Variants in AFF3 observed in about 807,000 individuals in gnomAD.
The protein encoded by AFF3 is ALF transcription elongation factor 3.
AFF3 carries 32 observed loss-of-function variants against 129.7 expected under a neutral mutation model. The ratio of observed to expected loss-of-function variants is 0.25; its 90% CI spans 0.19 to 0.33. The LOEUF (loss-of-function observed/expected upper bound fraction) is 0.33. Among genes scored for constraint, AFF3 ranks in the 10% least tolerant of loss-of-function variants. AFF3 has a pLI of 1.00. For missense variants in AFF3, 1,373 were observed against 1,592.0 expected (o/e 0.86, Z 2.34); for synonymous variants, 644 against 635.4 (o/e 1.01, Z -0.20).
At chr2:100,103,754 T>C (rs1179924147) in intron 4 of AFF3, among the ~76,000 whole-genome samples, 1 of 151,618 alleles carries the variant, frequency 6.6e-6, no homozygotes, top group Non-Finnish European at 1.5e-5. Context: ...GGAGTGCAAC[T>C]GTGACGAGGT....
chr2:99,899,969 T>C (rs999507098), intron 7 of AFF3, among the ~76,000 whole-genome samples: 1 of 152,202 alleles, frequency 6.6e-6, no homozygotes, highest in African/African-American at 2.4e-5. Flanking sequence ...TAGGGCTTTA[T>C]TGTTAAACCA....
chr2:99,625,287 G>A (rs1056394814), intron 13 of AFF3, among the ~76,000 whole-genome samples: 1 of 152,116 alleles, frequency 6.6e-6, no homozygotes. Context: ...AGGGCACCCC[G>A]TGAAATTTGA....
intron 13 of AFF3, among the ~76,000 whole-genome samples, chr2:99,618,893 G>GATTCATTCATTCATTCATTCATTC (rs112677518): frequency 1.3e-5 from 2 of 149,850 alleles, no homozygotes; most frequent in African/African-American, 4.9e-5. Flanking sequence ...AGCTCTGATC[G>GATTCATTCATTCATTCATTCATTC]ATTCATTCAT....
intron 7 of AFF3, among the ~76,000 whole-genome samples, chr2:99,903,674 G>C (rs1241005665): frequency 3.3e-5 from 5 of 152,106 alleles, no homozygotes; most frequent in African/African-American, 1.2e-4. Flanking sequence ...TTCTGTTATA[G>C]TTTGAAATAT....
At chr2:99,747,185 G>A (rs1681238277) in intron 9 of AFF3, among the ~76,000 whole-genome samples, 1 of 151,774 alleles carries the variant, frequency 6.6e-6, no homozygotes, top group Non-Finnish European at 1.5e-5. Flanking sequence ...CCTGCCACCA[G>A]GCCCTGCTAA....
chr2:99,586,443 G>C (rs972542213), intron 16 of AFF3, among the ~76,000 whole-genome samples: 1 of 152,206 alleles, frequency 6.6e-6, no homozygotes, highest in African/African-American at 2.4e-5. Flanking sequence ...GTGTTGTGCC[G>C]AGACATTCAT....
intron 7 of AFF3, among the ~76,000 whole-genome samples, chr2:99,968,748 T>C (rs1485396460): frequency 6.6e-6 from 1 of 152,160 alleles, no homozygotes; most frequent in Non-Finnish European, 1.5e-5. Flanking sequence ...TGGTTTGTCA[T>C]AAAAGGCATG....
intron 11 of AFF3, among the ~76,000 whole-genome samples, chr2:99,719,323 T>C (rs1479432167): frequency 2.6e-5 from 4 of 152,148 alleles, no homozygotes; most frequent in African/African-American, 9.7e-5. Flanking sequence ...TTACATTATT[T>C]TCATGCGTCA....
At position 99,551,448 on chromosome 2, in the gene AFF3, C is replaced by T. The variant is rs765716402; in HGVS notation, c.*26G>A. On this transcript the variant is annotated 3_prime_UTR_variant, in exon 25 of 25. Transcript: ENST00000672756. The stretch of plus-strand genomic sequence containing the variant: ...GTTGAGCCATCTGTGGAGACCAGAG[C>T]CCACTCTGGCCCCAGGGTGAGGTCC... 2 of 1,608,384 alleles carry T rather than the reference C, an allele frequency of 1.2e-6. No individual in the cohort carries two copies. Among genetic ancestry groups the T allele is most frequent in the Middle Eastern group, 1.9e-4 (1 of 5,388 alleles).
At chr2:99,927,944 G>A (rs750310827) in intron 7 of AFF3, among the ~76,000 whole-genome samples, 5 of 152,068 alleles carry the variant, frequency 3.3e-5, no homozygotes, top group South Asian at 2.1e-4. Flanking sequence ...GGTGTTTCCC[G>A]TGCTGTTCTC....
intron 11 of AFF3, among the ~76,000 whole-genome samples, chr2:99,672,982 C>T (rs1272266525): frequency 6.6e-6 from 1 of 151,638 alleles, no homozygotes. Context: ...CTGATTTGAT[C>T]ATTACACATT....
intron 15 of AFF3, among the ~76,000 whole-genome samples, chr2:99,587,754 G>A (rs1258045035): frequency 6.6e-6 from 1 of 152,190 alleles, no homozygotes; most frequent in Non-Finnish European, 1.5e-5. Context: ...GCTCATGCCT[G>A]TAATCCCAGC....
intron 1 of AFF3, among the ~76,000 whole-genome samples, chr2:100,133,926 C>G (rs556743759): frequency 6.6e-6 from 1 of 152,160 alleles, no homozygotes; most frequent in South Asian, 2.1e-4. Flanking sequence ...GAGCGAGACT[C>G]TGTCTCAAAA....
At chr2:99,740,275 G>A (rs1386044384) in intron 10 of AFF3, among the ~76,000 whole-genome samples, 7 of 150,392 alleles carry the variant, frequency 4.7e-5, no homozygotes, top group Non-Finnish European at 8.9e-5. Flanking sequence ...ATAAACATAC[G>A]TGTGCATGTG....
intron 18 of AFF3, among the ~76,000 whole-genome samples, chr2:99,570,838 A>ACTCTCCT (rs1462183487): frequency 2.0e-5 from 3 of 151,750 alleles, no homozygotes; most frequent in Non-Finnish European, 4.4e-5. Flanking sequence ...CACCTGGAAC[A>ACTCTCCT]CTCTCCTCTC....
chr2:99,861,425 C>T (rs1282257825), intron 7 of AFF3, among the ~76,000 whole-genome samples: 2 of 152,234 alleles, frequency 1.3e-5, no homozygotes, highest in East Asian at 1.9e-4. Flanking sequence ...TCAGTTTCCC[C>T]CACTACATAA....
Position 99,555,139 on chromosome 2 carries a change from G to T in AFF3, c.3286-407C>A, listed in dbSNP as rs549304476. Among the ~76,000 whole-genome samples, 9 of 152,218 alleles carry T rather than the reference G, an allele frequency of 5.9e-5. No homozygotes were observed. In the East Asian group the frequency reaches 1.7e-3, roughly 29 times the overall value. On this transcript the variant is annotated intron_variant, in intron 22 of 24. Transcript: ENST00000672756. ...AGTGAAGGGCTTCACCCACAGCCTG[G>T]GTTTTTATGTACAAATTTTAGGTAC...
intron 7 of AFF3, among the ~76,000 whole-genome samples, chr2:99,848,503 A>G (rs1315429205): frequency 6.6e-6 from 1 of 152,144 alleles, no homozygotes; most frequent in Non-Finnish European, 1.5e-5. Flanking sequence ...TAGAGTATAG[A>G]ATTGATCATA....
intron 13 of AFF3, among the ~76,000 whole-genome samples, chr2:99,637,453 T>C (rs1683770816): frequency 6.6e-6 from 1 of 152,198 alleles, no homozygotes; most frequent in South Asian, 2.1e-4. Context: ...CCCTGTCACA[T>C]ATATCATTTG....
Sources: gnomAD v4.1 joint callset for allele counts (sites outside exome capture counted in the v4.1 genomes callset) on GRCh38, gnomAD v4.1.1 for gene constraint, MANE v1.5 for transcripts, NCBI Gene and HGNC (gene_info 2026-07-23, HGNC 2026-07-21) for gene names.